The following KDM4C variants were observed in gnomAD, a reference collection of about 807,000 sequenced individuals.
KDM4C encodes lysine demethylase 4C, also known as lysine-specific demethylase 4C.
A neutral mutation model predicts 129.3 loss-of-function variants in KDM4C; 81 were observed. The ratio of observed to expected loss-of-function variants is 0.63; its 90% CI spans 0.52 to 0.75. The LOEUF (loss-of-function observed/expected upper bound fraction) is 0.75, where lower values mean the gene tolerates loss of function less well. Among genes scored for constraint, KDM4C ranks in the 30% least tolerant of loss-of-function variants. The pLI, the probability that KDM4C is intolerant of heterozygous loss-of-function variation, is 0.00. For missense variants in KDM4C, 1,457 were observed against 1,304.0 expected (o/e 1.12, Z -1.81); for synonymous variants, 573 against 456.1 (o/e 1.26, Z -3.26).
intron 17 of KDM4C, among the ~76,000 whole-genome samples, chr9:7,099,875 T>C (rs1297939151): frequency 1.3e-5 from 2 of 152,078 alleles, no homozygotes; most frequent in African/African-American, 4.8e-5. Context: ...ACATACACTT[T>C]TCAATTTTCA....
intron 15 of KDM4C, among the ~76,000 whole-genome samples, chr9:7,020,014 A>G (rs980331133): frequency 6.6e-6 from 1 of 151,916 alleles, no homozygotes; most frequent in Admixed American, 6.6e-5. Flanking sequence ...GATCATAGTG[A>G]TGTGGGCTGG....
At chr9:6,828,214 C>G (rs1446260999) in intron 4 of KDM4C, among the ~76,000 whole-genome samples, 2 of 151,998 alleles carry the variant, frequency 1.3e-5, no homozygotes, top group Non-Finnish European at 2.9e-5. Context: ...GTGGCGTGAT[C>G]TCAGCTCACT....
Position 6,981,132 on chromosome 9 carries a change from A to G in KDM4C, c.1115+14A>G, listed in dbSNP as rs749478989. The G allele has an allele frequency of 1.6e-5, 26 of 1,587,024 alleles. No individual in the cohort carries two copies. Among genetic ancestry groups the G allele is most frequent in the Non-Finnish European group, 2.1e-5 (25 of 1,168,064 alleles). On this transcript the variant is annotated intron_variant, in intron 9 of 21. Transcript: ENST00000381309. The stretch of plus-strand genomic sequence containing the variant: ...AGCATCCCGAAGGTAATGACCCCTC[A>G]CCCCACTGACCTGCCTTGCCTGTCG...
intron 17 of KDM4C, among the ~76,000 whole-genome samples, chr9:7,088,937 C>T (rs998461357): frequency 1.3e-5 from 2 of 151,756 alleles, no homozygotes; most frequent in African/African-American, 4.8e-5. Context: ...GTAAGAAAGC[C>T]GATATTTTGT....
At chr9:7,168,612 A>G (rs1844641435) in intron 20 of KDM4C, among the ~76,000 whole-genome samples, 1 of 150,846 alleles carries the variant, frequency 6.6e-6, no homozygotes, top group Non-Finnish European at 1.5e-5. Flanking sequence ...TTAGATGATG[A>G]TGTATTTTCA....
intron 15 of KDM4C, among the ~76,000 whole-genome samples, chr9:7,040,648 G>C (rs1370995546): frequency 6.6e-6 from 1 of 151,560 alleles, no homozygotes. Flanking sequence ...TTAAAAGGTT[G>C]TTTTCTTGGG....
chr9:6,757,506 C>A, upstream of KDM4C: 2 of 498,550 alleles, frequency 4.0e-6, no homozygotes, highest in African/African-American at 2.1e-5. Context: ...TCCCGGCCAC[C>A]GGGTGAAGGG....
intron 8 of KDM4C, among the ~76,000 whole-genome samples, chr9:6,928,444 G>A (rs1823035389): frequency 6.6e-6 from 1 of 152,210 alleles, no homozygotes; most frequent in African/African-American, 2.4e-5. Flanking sequence ...TATAGTAGGT[G>A]CTGCTTGCCT....
intron 15 of KDM4C, among the ~76,000 whole-genome samples, chr9:7,024,936 T>G (rs935125623): frequency 7.2e-5 from 11 of 152,202 alleles, no homozygotes; most frequent in Admixed American, 2.0e-4. Flanking sequence ...TTGAACTAGT[T>G]TACAGTCCCA....
intron 5 of KDM4C, among the ~76,000 whole-genome samples, chr9:6,879,415 A>G (rs1224996016): frequency 1.3e-5 from 2 of 152,204 alleles, no homozygotes; most frequent in African/African-American, 2.4e-5. Context: ...TGAAAGTCAC[A>G]TAATTATGAA....
intron 5 of KDM4C, among the ~76,000 whole-genome samples, chr9:6,866,971 T>TTGTGTG (rs369963257): frequency 1.4e-4 from 18 of 126,260 alleles, no homozygotes; most frequent in African/African-American, 5.1e-4. Flanking sequence ...AAATATATGT[T>TTGTGTG]TGTGTGTGTG....
At chr9:6,893,256 G>C (rs375123656) in intron 8 of KDM4C, 24 bp downstream of exon 8, 1 of 1,588,454 alleles carries the variant, frequency 6.3e-7, no homozygotes, top group South Asian at 1.1e-5. Flanking sequence ...CAAAAATAAA[G>C]CAAAAATTAA....
intron 8 of KDM4C, among the ~76,000 whole-genome samples, chr9:6,935,398 C>G (rs1260201555): frequency 6.6e-6 from 1 of 151,818 alleles, no homozygotes; most frequent in African/African-American, 2.4e-5. Flanking sequence ...TACAGTAAAA[C>G]ATGATTTTTC....
chr9:6,868,603 A>AT (rs1174261616), intron 5 of KDM4C, among the ~76,000 whole-genome samples: 1 of 152,200 alleles, frequency 6.6e-6, no homozygotes, highest in African/African-American at 2.4e-5. Flanking sequence ...TACAATGTTA[A>AT]TGCTATGTAA....
At chr9:7,165,757 A>G (rs1844315720) in intron 20 of KDM4C, among the ~76,000 whole-genome samples, 1 of 152,208 alleles carries the variant, frequency 6.6e-6, no homozygotes, top group African/African-American at 2.4e-5. Context: ...GCTGAGAGAC[A>G]TAGTCTCCCC....
intron 1 of KDM4C, among the ~76,000 whole-genome samples, chr9:6,725,641 C>G: frequency 6.6e-6 from 1 of 151,866 alleles, no homozygotes; most frequent in Non-Finnish European, 1.5e-5. Flanking sequence ...GCACCTGCCA[C>G]CACATCTGGC....
chr9:7,016,810 G>T (rs1487434858), intron 15 of KDM4C, among the ~76,000 whole-genome samples: 1 of 152,048 alleles, frequency 6.6e-6, no homozygotes, highest in African/African-American at 2.4e-5. Context: ...CATTTTCAAG[G>T]CTTCAGAATT....
intron 2 of KDM4C, among the ~76,000 whole-genome samples, chr9:6,795,770 C>G (rs1282551214): frequency 6.6e-6 from 1 of 151,618 alleles, no homozygotes; most frequent in Non-Finnish European, 1.5e-5. Flanking sequence ...CTTCCAGGTT[C>G]AAGCGATCCC....
At chr9:6,880,503 A>G (rs1457860302) in intron 6 of KDM4C, among the ~76,000 whole-genome samples, 1 of 151,812 alleles carries the variant, frequency 6.6e-6, no homozygotes, top group Non-Finnish European at 1.5e-5. Flanking sequence ...CCCAAGGGTT[A>G]TGTCACTGCC....
Sources: gnomAD v4.1 joint callset for allele counts (sites outside exome capture counted in the v4.1 genomes callset) on GRCh38, gnomAD v4.1.1 for gene constraint, MANE v1.5 for transcripts, NCBI Gene and HGNC (gene_info 2026-07-23, HGNC 2026-07-21) for gene names.